SBF2: variants seen among roughly 807,000 people sequenced by gnomAD.
The protein encoded by SBF2 is SET binding factor 2.
SBF2 carries 112 observed loss-of-function variants against 225.2 expected under a neutral mutation model. That is an observed-to-expected ratio of 0.50 (90% CI 0.43 to 0.58). The LOEUF is 0.58. Ranked by LOEUF, SBF2 falls within the 20% of genes least tolerant of loss-of-function variation. The probability of loss-of-function intolerance (pLI) is 0.00; values close to 1 mark genes in which losing one functional copy is unlikely to be tolerated. For synonymous variants in SBF2, 763 were observed against 773.3 expected (o/e 0.99, Z 0.22); for missense variants, 1,996 against 2,206.2 (o/e 0.90, Z 1.91).
chr11:9,779,945 C>T lies in SBF2; in HGVS notation c.*473G>A. On this transcript the variant is annotated 3_prime_UTR_variant, in exon 40 of 40. Transcript: ENST00000256190. Reference sequence around the variant, plus strand: ...CCAGAGAACTGAGCATCTCAAAGGTCAGGCATTACAAGTAGATGTCTCTCA... The same window carrying T: ...CCAGAGAACTGAGCATCTCAAAGGTTAGGCATTACAAGTAGATGTCTCTCA... The T allele has an allele frequency of 4.3e-6, 1 of 232,664 alleles. No homozygotes were observed. The highest frequency in any genetic ancestry group is 8.6e-6 in the Non-Finnish European group (1 of 115,776). 14.4% of individuals were successfully genotyped at this position (232,664 alleles called of 1,614,324 possible). A position where few individuals can be genotyped will look rare whatever the true frequency, so the allele number is the denominator to read the frequency against.
chr11:10,046,706 CA>C (rs1949874407), intron 2 of SBF2, among the ~76,000 whole-genome samples: 1 of 151,252 alleles, frequency 6.6e-6, no homozygotes, highest in Admixed American at 6.6e-5. Context: ...CAAGAATGAT[CA>C]GGGGAATAAA....
intron 1 of SBF2, among the ~76,000 whole-genome samples, chr11:10,277,132 C>CA (rs11310738): frequency 0.036 from 2,521 of 70,610 alleles, 9 homozygotes; most frequent in East Asian, 0.056. Context: ...GACCCCATCT[C>CA]AAAAAAAAAA....
At chr11:10,182,946 T>C (rs1956795779) in intron 2 of SBF2, among the ~76,000 whole-genome samples, 1 of 152,030 alleles carries the variant, frequency 6.6e-6, no homozygotes, top group East Asian at 1.9e-4. Flanking sequence ...CTAATTTTTG[T>C]ATTTTTAGTA....
In SBF2 at chr11:9,998,327, C is replaced by T. The variant is rs1243615067; in HGVS notation, c.914G>A (p.Cys305Tyr). The T allele has an allele frequency of 6.2e-7, 1 of 1,610,014 alleles. No homozygotes were observed. The highest frequency in any genetic ancestry group is 2.2e-5 in the East Asian group (1 of 44,816). ...LDGGTIKIPE[C>Y]IHLSSLPEPL... ...TTCTGGGAGGGAAGAGAGGTGAATA[C>T]ATTCGGGAATTTTAATAGTGCCTCC... is the stretch of plus-strand genomic sequence containing the variant. The change falls in exon 9 of 40, where the codon TGT becomes TAT. Residue 305 changes from cysteine (C) to tyrosine (Y), a missense_variant. Transcript: ENST00000256190.
chr11:10,179,383 AAAAC>A (rs1378207979), intron 2 of SBF2, among the ~76,000 whole-genome samples: 3 of 119,700 alleles, frequency 2.5e-5, no homozygotes, highest in Non-Finnish European at 5.6e-5. Context: ...CAAAAACAAA[AAAAC>A]AAAAAAAAAC....
chr11:10,218,913 AGGGTATAGCCCTGCTCCT>A (rs1385321635), intron 1 of SBF2, among the ~76,000 whole-genome samples: 1 of 152,152 alleles, frequency 6.6e-6, no homozygotes, highest in African/African-American at 2.4e-5. Flanking sequence ...GTGGCTTTGC[AGGGTATAGCCCTGCTCCT>A]GGCTGTTTTC....
At chr11:10,197,841 C>G (rs559704996) in intron 1 of SBF2, among the ~76,000 whole-genome samples, 1 of 152,172 alleles carries the variant, frequency 6.6e-6, no homozygotes, top group Non-Finnish European at 1.5e-5. Flanking sequence ...TTTCAAGAAA[C>G]CATTTTCTTT....
At chr11:9,919,697 C>A (rs1483288756) in intron 16 of SBF2, among the ~76,000 whole-genome samples, 1 of 152,136 alleles carries the variant, frequency 6.6e-6, no homozygotes, top group African/African-American at 2.4e-5. Context: ...TGGCCCCGGG[C>A]TGTCTGCTTG....
intron 16 of SBF2, among the ~76,000 whole-genome samples, chr11:9,942,700 G>A (rs143829112): frequency 1.1e-4 from 17 of 152,034 alleles, no homozygotes; most frequent in Non-Finnish European, 1.9e-4. Flanking sequence ...GCATGGTGGC[G>A]TGCACCTGTA....
chr11:10,230,052 C>T (rs544294098), intron 1 of SBF2, among the ~76,000 whole-genome samples: 96 of 152,224 alleles, frequency 6.3e-4, no homozygotes, highest in Non-Finnish European at 1.2e-3. Context: ...GAATTGATCC[C>T]TTTACCATTA....
chr11:10,042,827 A>G lies in SBF2; in HGVS notation c.279+17T>C, dbSNP rs376779567. ...TTGTACCTTCGACTGTACTTTAGCT[A>G]GTAAAGGTTTTTGTACCTGAAGATT... On this transcript the variant is annotated intron_variant, in intron 3 of 39. Transcript: ENST00000256190. 67 of 1,613,268 alleles carry G rather than the reference A, an allele frequency of 4.2e-5. 1 individual carries two copies. The highest frequency in any genetic ancestry group is 5.5e-5 in the Non-Finnish European group (65 of 1,179,304).
At position 9,934,792 on chromosome 11, in the gene SBF2, G is replaced by C. The variant is rs560567081; in HGVS notation, c.1860+27165C>G. ...AAAAACTCTCGATAAACAAGGTATT[G>C]ACGGAACGTACCTCAAAATAATAAG... On this transcript the variant is annotated intron_variant, in intron 16 of 39. Transcript: ENST00000256190. 3.3e-5 allele frequency among the ~76,000 whole-genome samples: 5 copies of C among 152,258 alleles called. No individual in the cohort carries two copies. The East Asian group carries it at 7.7e-4, about 24-fold the overall frequency.
chr11:9,920,226 A>C (rs923186057), intron 16 of SBF2, among the ~76,000 whole-genome samples: 11 of 151,424 alleles, frequency 7.3e-5, no homozygotes, highest in African/African-American at 2.7e-4. Context: ...ATATACACAC[A>C]CATATATGTA....
chr11:10,195,024 T>C (rs1296821599), intron 1 of SBF2, among the ~76,000 whole-genome samples: 5 of 152,188 alleles, frequency 3.3e-5, no homozygotes, highest in Non-Finnish European at 7.3e-5. Context: ...AAGTTTCAGT[T>C]ATGGGCTATA....
At chr11:10,274,489 G>A (rs1962794754) in intron 1 of SBF2, among the ~76,000 whole-genome samples, 1 of 152,042 alleles carries the variant, frequency 6.6e-6, no homozygotes, top group Admixed American at 6.6e-5. Flanking sequence ...AGTCGCTCAC[G>A]CCTATAATCC....
At chr11:9,913,175 T>A (rs565707396) in intron 16 of SBF2, among the ~76,000 whole-genome samples, 2 of 152,220 alleles carry the variant, frequency 1.3e-5, no homozygotes, top group Admixed American at 6.5e-5. Context: ...TCTCAGCTAT[T>A]CAGGAGGTTG....
chr11:10,271,108 C>T (rs1400654006), intron 1 of SBF2, among the ~76,000 whole-genome samples: 1 of 151,468 alleles, frequency 6.6e-6, no homozygotes, highest in African/African-American at 2.4e-5. Context: ...AGCAGTATGC[C>T]ACTTCTTACC....
intron 16 of SBF2, among the ~76,000 whole-genome samples, chr11:9,918,224 C>G (rs763869885): frequency 6.6e-6 from 1 of 152,158 alleles, no homozygotes. Flanking sequence ...ATGGCTATAA[C>G]CTTTACTCCT....
chr11:9,971,670 C>T (rs113972942), intron 13 of SBF2, among the ~76,000 whole-genome samples: 61 of 152,136 alleles, frequency 4.0e-4, no homozygotes, highest in African/African-American at 1.3e-3. Context: ...CAGAGTGAGA[C>T]CTTGTCTCAA....
Sources: allele counts gnomAD v4.1 joint callset (sites outside exome capture counted in the v4.1 genomes callset), GRCh38; gene constraint gnomAD v4.1.1; transcripts MANE v1.5; gene names NCBI Gene and HGNC (gene_info 2026-07-23, HGNC 2026-07-21).